PLCL1: variants seen among roughly 807,000 people sequenced by gnomAD.
PLCL1 encodes inactive phospholipase C-like protein 1.
Under a neutral mutation model 84.4 loss-of-function variants are expected in PLCL1, and 41 were observed. That is an observed-to-expected ratio of 0.49 (90% CI 0.38 to 0.63). The LOEUF is 0.63. Ranked by LOEUF, PLCL1 falls within the 30% of genes least tolerant of loss-of-function variation. The pLI, the probability that PLCL1 is intolerant of heterozygous loss-of-function variation, is 0.00. For synonymous variants in PLCL1, 490 were observed against 488.3 expected, an observed-to-expected ratio of 1.00 and a Z score of -0.05; for missense variants, 1,206 against 1,367.8, an observed-to-expected ratio of 0.88 and a Z score of 1.87.
At chr2:197,980,974 AT>A (rs2105804729) in intron 1 of PLCL1, among the ~76,000 whole-genome samples, 1 of 152,302 alleles carries the variant, frequency 6.6e-6, no homozygotes, top group African/African-American at 2.4e-5. Flanking sequence ...GTTCAAGTAA[AT>A]TTAGGTTTTA....
intron 1 of PLCL1, among the ~76,000 whole-genome samples, chr2:197,967,903 C>G (rs567499788): frequency 1.5e-3 from 230 of 152,292 alleles, no homozygotes; most frequent in African/African-American, 5.3e-3. Context: ...TTATTGTCAT[C>G]TTGGGTGACT....
chr2:197,836,446 CA>C (rs35510400), intron 1 of PLCL1, among the ~76,000 whole-genome samples: 1,516 of 34,436 alleles, frequency 0.044, 5 homozygotes, highest in African/African-American at 0.14. Flanking sequence ...GACTCCGTCT[CA>C]AAAAAAAAAA....
chr2:198,063,125 T>TTACTTAATACTATACTAAG, intron 1 of PLCL1, among the ~76,000 whole-genome samples: 1 of 150,546 alleles, frequency 6.6e-6, no homozygotes, highest in South Asian at 2.1e-4. Flanking sequence ...TTTAGTATAG[T>TTACTTAATACTATACTAAG]TACTTAATAC....
chr2:197,828,066 T>G (rs1690971733), intron 1 of PLCL1, among the ~76,000 whole-genome samples: 1 of 152,272 alleles, frequency 6.6e-6, no homozygotes, highest in East Asian at 1.9e-4. Flanking sequence ...GGTCATGTTT[T>G]AGAGATGAAT....
chr2:197,901,747 T>C (rs1236823653), intron 1 of PLCL1, among the ~76,000 whole-genome samples: 1 of 152,206 alleles, frequency 6.6e-6, no homozygotes, highest in Non-Finnish European at 1.5e-5. Flanking sequence ...AAGTTATTCA[T>C]TGAAAGGAGG....
intron 3 of PLCL1, among the ~76,000 whole-genome samples, chr2:198,096,756 G>T (rs1559104217): frequency 1.3e-5 from 2 of 152,130 alleles, no homozygotes; most frequent in Non-Finnish European, 2.9e-5. Flanking sequence ...TCAGTTGGGG[G>T]TGATTTGGAG....
At chr2:197,846,794 T>C (rs570675727) in intron 1 of PLCL1, among the ~76,000 whole-genome samples, 1 of 152,212 alleles carries the variant, frequency 6.6e-6, no homozygotes, top group African/African-American at 2.4e-5. Context: ...CGCACAAATA[T>C]TGTGGTTTTA....
chr2:197,889,360 G>A lies in PLCL1; in HGVS notation c.240+84021G>A, dbSNP rs192940121. On this transcript the variant is annotated intron_variant, in intron 1 of 5. Transcript: ENST00000428675. The stretch of plus-strand genomic sequence containing the variant: ...TAAACTTGTTAAATGAACAGCCATG[G>A]TTTTCTAGCCTAGAGGGAAATAAGT... 3.4e-3 allele frequency among the ~76,000 whole-genome samples: 525 copies of A among 152,174 alleles called. 4 individuals are homozygous for A. Among genetic ancestry groups the A allele is most frequent in the African/African-American group, 0.012 (488 of 41,518 alleles).
chr2:198,123,200 G>A (rs1359920928), intron 5 of PLCL1, among the ~76,000 whole-genome samples: 1 of 152,070 alleles, frequency 6.6e-6, no homozygotes, highest in East Asian at 1.9e-4. Context: ...TGTTATTCAT[G>A]TTACAATAGG....
At chr2:197,906,710 C>T (rs1692823877) in intron 1 of PLCL1, among the ~76,000 whole-genome samples, 1 of 152,110 alleles carries the variant, frequency 6.6e-6, no homozygotes, top group African/African-American at 2.4e-5. Flanking sequence ...AATGTTTTTC[C>T]ATTTGTTTGT....
chr2:198,095,346 T>G (rs1029625637), intron 3 of PLCL1, among the ~76,000 whole-genome samples: 3 of 152,232 alleles, frequency 2.0e-5, no homozygotes, highest in Non-Finnish European at 2.9e-5. Flanking sequence ...CATCGTCTTT[T>G]AAGGCTGATA....
chr2:198,094,204 A>G (rs1256637117), intron 3 of PLCL1, among the ~76,000 whole-genome samples: 2 of 151,896 alleles, frequency 1.3e-5, no homozygotes, highest in East Asian at 3.9e-4. Flanking sequence ...TGGGACAACA[A>G]ACACCCACCA....
At chr2:197,926,623 T>C (rs1466391987) in intron 1 of PLCL1, among the ~76,000 whole-genome samples, 1 of 152,172 alleles carries the variant, frequency 6.6e-6, no homozygotes, top group African/African-American at 2.4e-5. Flanking sequence ...CAAACATAAA[T>C]AAGATCAAAA....
chr2:197,831,353 A>G (rs1691056173), intron 1 of PLCL1, among the ~76,000 whole-genome samples: 1 of 152,196 alleles, frequency 6.6e-6, no homozygotes, highest in African/African-American at 2.4e-5. Flanking sequence ...AGGAAAAAAA[A>G]AGCAGGGGTG....
At chr2:198,077,422 G>A (rs559293358) in intron 1 of PLCL1, among the ~76,000 whole-genome samples, 4 of 152,262 alleles carry the variant, frequency 2.6e-5, no homozygotes, top group African/African-American at 9.6e-5. Context: ...GCTGAATTCA[G>A]TAAGCTTATC....
intron 5 of PLCL1, among the ~76,000 whole-genome samples, chr2:198,122,210 A>C (rs1693884258): frequency 6.6e-6 from 1 of 152,134 alleles, no homozygotes; most frequent in African/African-American, 2.4e-5. Flanking sequence ...CAATTATCCC[A>C]GTGCAAGAAG....
intron 1 of PLCL1, among the ~76,000 whole-genome samples, chr2:197,941,838 T>A (rs1000464708): frequency 2.0e-5 from 3 of 152,100 alleles, no homozygotes; most frequent in African/African-American, 7.2e-5. Flanking sequence ...ATTTTATTCA[T>A]ATCTTGGGGA....
chr2:197,966,180 C>A (rs1689728885), intron 1 of PLCL1, among the ~76,000 whole-genome samples: 1 of 151,830 alleles, frequency 6.6e-6, no homozygotes, highest in East Asian at 2.0e-4. Flanking sequence ...TCCCTCTCCA[C>A]TCCTCAAGCA....
intron 1 of PLCL1, among the ~76,000 whole-genome samples, chr2:197,902,752 T>C (rs1688293379): frequency 1.3e-5 from 2 of 152,100 alleles, no homozygotes; most frequent in Non-Finnish European, 2.9e-5. Context: ...GGACAGCATA[T>C]GGGGAGTTCT....
Sources: gnomAD v4.1 joint callset for allele counts (sites outside exome capture counted in the v4.1 genomes callset) on GRCh38, gnomAD v4.1.1 for gene constraint, MANE v1.5 for transcripts, NCBI Gene and HGNC (gene_info 2026-07-23, HGNC 2026-07-21) for gene names.